The following NRXN1 variants were observed in gnomAD, a reference collection of about 807,000 sequenced individuals.
The protein encoded by NRXN1 is neurexin-1.
Under a neutral mutation model 150.9 loss-of-function variants are expected in NRXN1, and 39 were observed. The ratio of observed to expected loss-of-function variants is 0.26; its 90% CI spans 0.20 to 0.34. The LOEUF (loss-of-function observed/expected upper bound fraction) is 0.34, where lower values mean the gene tolerates loss of function less well. NRXN1 is among the 10% of genes least tolerant of loss of function. NRXN1 has a pLI of 1.00. For missense variants in NRXN1, 1,815 were observed against 1,949.9 expected (o/e 0.93, Z 1.30); for synonymous variants, 924 against 757.0 (o/e 1.22, Z -3.62).
At chr2:50,103,296 C>A (rs954880009) in intron 18 of NRXN1, among the ~76,000 whole-genome samples, 2 of 152,074 alleles carry the variant, frequency 1.3e-5, no homozygotes, top group African/African-American at 4.8e-5. Context: ...ATCCAGAGAG[C>A]CCTTTTATCT....
intron 5 of NRXN1, among the ~76,000 whole-genome samples, chr2:50,771,328 C>T (rs1024641725): frequency 6.6e-6 from 1 of 151,706 alleles, no homozygotes; most frequent in Admixed American, 6.6e-5. Flanking sequence ...TGAGAACTTA[C>T]AATAAAAAAA....
intron 5 of NRXN1, among the ~76,000 whole-genome samples, chr2:50,792,804 G>T (rs2105616643): frequency 6.6e-6 from 1 of 151,872 alleles, no homozygotes; most frequent in East Asian, 1.9e-4. Context: ...TTAAATTTCT[G>T]AACAACTCTA....
At chr2:50,590,523 C>G (rs1418383420) in intron 8 of NRXN1, among the ~76,000 whole-genome samples, 2 of 152,126 alleles carry the variant, frequency 1.3e-5, no homozygotes, top group African/African-American at 4.8e-5. Context: ...CTAACATTAA[C>G]TCACTGTTAC....
chr2:50,434,854 A>C (rs1011449397), intron 17 of NRXN1, among the ~76,000 whole-genome samples: 2 of 152,120 alleles, frequency 1.3e-5, no homozygotes, highest in Admixed American at 6.5e-5. Flanking sequence ...AATGGAAACA[A>C]CATGAAAACT....
chr2:50,135,137 G>C (rs1240862446), intron 18 of NRXN1, among the ~76,000 whole-genome samples: 1 of 152,168 alleles, frequency 6.6e-6, no homozygotes, highest in African/African-American at 2.4e-5. Flanking sequence ...CATGCTTACT[G>C]TTACTTAAGA....
intron 5 of NRXN1, among the ~76,000 whole-genome samples, chr2:50,914,290 T>A: frequency 6.6e-6 from 1 of 151,794 alleles, no homozygotes; most frequent in Non-Finnish European, 1.5e-5. Flanking sequence ...TGAATCAATT[T>A]ATATTTATTT....
intron 2 of NRXN1, among the ~76,000 whole-genome samples, chr2:50,969,870 A>G (rs546055830): frequency 6.6e-6 from 1 of 152,318 alleles, no homozygotes; most frequent in South Asian, 2.1e-4. Context: ...AGCCTTCGGA[A>G]TGAAGACCCA....
At chr2:50,242,859 G>A (rs976693411) in intron 17 of NRXN1, among the ~76,000 whole-genome samples, 1 of 151,716 alleles carries the variant, frequency 6.6e-6, no homozygotes, top group Non-Finnish European at 1.5e-5. Context: ...CTTTGAGAAA[G>A]AGAATGCATA....
chr2:50,474,785 G>A (rs2089848849), intron 15 of NRXN1, among the ~76,000 whole-genome samples: 1 of 143,416 alleles, frequency 7.0e-6, no homozygotes, highest in African/African-American at 2.6e-5. Context: ...TGTGACTCTA[G>A]AATATTTGAA....
chr2:50,570,985 T>G (rs758990540), intron 8 of NRXN1, among the ~76,000 whole-genome samples: 21 of 152,176 alleles, frequency 1.4e-4, no homozygotes, highest in Non-Finnish European at 2.4e-4. Flanking sequence ...TAGATTCAGC[T>G]GTTTTTGACC....
chr2:50,706,140 C>A (rs1284796932), intron 5 of NRXN1, among the ~76,000 whole-genome samples: 3 of 152,146 alleles, frequency 2.0e-5, no homozygotes, highest in Non-Finnish European at 4.4e-5. Context: ...AGCTCTTAAT[C>A]ATGTAGCTAT....
At chr2:50,519,984 AC>A (rs2092740814) in intron 12 of NRXN1, among the ~76,000 whole-genome samples, 1 of 152,110 alleles carries the variant, frequency 6.6e-6, no homozygotes, top group African/African-American at 2.4e-5. Flanking sequence ...CATAATGTTT[AC>A]AAGATGTTGC....
Position 50,411,545 on chromosome 2 carries a change from G to A in NRXN1, c.3364+53897C>T, listed in dbSNP as rs1006339331. ...CCGCCCTGTCTGAGATGTGAAGAGC[G>A]CCTCTGCCCGGCTGCGACCCCGTCT... On this transcript the variant is annotated intron_variant, in intron 17 of 22. Coordinates refer to ENST00000401669, the MANE Select transcript of NRXN1 (RefSeq NM_001330078.2). Among the ~76,000 whole-genome samples the A allele has an allele frequency of 4.6e-5, 7 of 151,458 alleles. No individual in the cohort carries two copies. In the East Asian group the frequency reaches 5.9e-4, roughly 13 times the overall value.
At chr2:50,245,567 A>C (rs1450975766) in intron 17 of NRXN1, among the ~76,000 whole-genome samples, 1 of 151,946 alleles carries the variant, frequency 6.6e-6, no homozygotes, top group Non-Finnish European at 1.5e-5. Flanking sequence ...TTTGAAGAGC[A>C]TAACCTAAGT....
At chr2:50,833,222 T>C (rs1055111977) in intron 5 of NRXN1, among the ~76,000 whole-genome samples, 3 of 152,184 alleles carry the variant, frequency 2.0e-5, no homozygotes, top group Non-Finnish European at 4.4e-5. Flanking sequence ...CTCTAACACA[T>C]TGCTGGTGAG....
intron 21 of NRXN1, among the ~76,000 whole-genome samples, chr2:50,034,518 G>A (rs573470078): frequency 6.6e-6 from 1 of 152,078 alleles, no homozygotes; most frequent in African/African-American, 2.4e-5. Flanking sequence ...AAGAGGTAGA[G>A]TATCAGGAAA....
At chr2:50,864,560 G>A (rs893706350) in intron 5 of NRXN1, among the ~76,000 whole-genome samples, 1 of 151,964 alleles carries the variant, frequency 6.6e-6, no homozygotes, top group African/African-American at 2.4e-5. Context: ...AAATAATCTT[G>A]AAATAAATTG....
intron 5 of NRXN1, among the ~76,000 whole-genome samples, chr2:50,693,766 C>T (rs1029061631): frequency 3.3e-5 from 5 of 152,074 alleles, no homozygotes; most frequent in African/African-American, 1.2e-4. Flanking sequence ...CTAAAGTATA[C>T]TTCATAGCAT....
At chr2:50,639,153 A>G (rs911004384) in intron 5 of NRXN1, among the ~76,000 whole-genome samples, 26 of 151,560 alleles carry the variant, frequency 1.7e-4, no homozygotes, top group Non-Finnish European at 2.9e-4. Context: ...TGGCTTTATG[A>G]CCCTATATCC....
Sources: gnomAD v4.1 joint callset for allele counts (sites outside exome capture counted in the v4.1 genomes callset) on GRCh38, gnomAD v4.1.1 for gene constraint, MANE v1.5 for transcripts, NCBI Gene and HGNC (gene_info 2026-07-23, HGNC 2026-07-21) for gene names.